The following RAB19 variants were observed in gnomAD, a reference collection of about 807,000 sequenced individuals.
The protein encoded by RAB19 is ras-related protein Rab-19.
RAB19 carries 21 observed loss-of-function variants against 17.3 expected under a neutral mutation model. The ratio of observed to expected loss-of-function variants is 1.21; its 90% CI spans 0.86 to 1.74. RAB19 has a LOEUF of 1.74. Among genes scored for constraint, RAB19 ranks in the 40% most tolerant of loss-of-function variants. The pLI is 0.00. For missense variants in RAB19, 277 were observed against 286.8 expected, an observed-to-expected ratio of 0.97 and a Z score of 0.25; for synonymous variants, 126 against 110.4, an observed-to-expected ratio of 1.14 and a Z score of -0.88.
chr7:140,412,968 T>TA (rs1298763968), intron 3 of RAB19, among the ~76,000 whole-genome samples: 2 of 151,116 alleles, frequency 1.3e-5, no homozygotes, highest in Non-Finnish European at 3.0e-5. Flanking sequence ...CTACAAAAAA[T>TA]AAAAAAAATT....
At chr7:140,420,569 A>C (rs1048811468) in intron 3 of RAB19, among the ~76,000 whole-genome samples, 4 of 152,084 alleles carry the variant, frequency 2.6e-5, no homozygotes, top group African/African-American at 9.7e-5. Flanking sequence ...CAATTCAAAG[A>C]AAGTTTATTT....
At chr7:140,407,994 C>T (rs376420062) in intron 2 of RAB19, 147 bp downstream of exon 2, 3 of 695,548 alleles carry the variant, frequency 4.3e-6, no homozygotes, top group African/African-American at 3.7e-5. Context: ...CCTCCAGCCT[C>T]AGCCTCCCAA....
At chr7:140,409,530 A>G (rs1799311671) in intron 2 of RAB19, among the ~76,000 whole-genome samples, 1 of 151,754 alleles carries the variant, frequency 6.6e-6, no homozygotes, top group African/African-American at 2.4e-5. Context: ...CCCCATCTCT[A>G]CTAAAAATAC....
Position 140,427,475 on chromosome 7 carries a change from G to C in RAB19, c.*1325G>C, listed in dbSNP as rs1799691420. On this transcript the variant is annotated 3_prime_UTR_variant, in exon 4 of 4. Coordinates refer to ENST00000537763, the MANE Select transcript of RAB19 (RefSeq NM_001008749.3). Reference sequence around the variant, plus strand: ...CCCTTTTTTTTTTTTTTTTGAGACAGAGTTTCGCTCTTGTTGCCCAGGCTG... The same window carrying C: ...CCCTTTTTTTTTTTTTTTTGAGACACAGTTTCGCTCTTGTTGCCCAGGCTG... Among the ~76,000 whole-genome samples, 1 of 115,690 alleles carries C rather than the reference G, an allele frequency of 8.6e-6. No homozygotes were observed. Among genetic ancestry groups the C allele is most frequent in the Admixed American group, 1.0e-4 (1 of 9,936 alleles). 75.9% of individuals were successfully genotyped at this position (115,690 alleles called of 152,430 possible). A position where few individuals can be genotyped will look rare whatever the true frequency, so the allele number is the denominator to read the frequency against.
intron 3 of RAB19, 71 bp from the exon 4 acceptor site, chr7:140,425,811 T>C: frequency 6.7e-7 from 1 of 1,503,048 alleles, no homozygotes; most frequent in Non-Finnish European, 9.0e-7. Context: ...AAAATGTTAC[T>C]TGTAAAGTTC....
intron 3 of RAB19, among the ~76,000 whole-genome samples, chr7:140,420,122 T>A (rs1468397678): frequency 2.0e-5 from 3 of 151,824 alleles, no homozygotes; most frequent in African/African-American, 7.3e-5. Context: ...CTGTGAGGGA[T>A]AAAGAAGAAG....
chr7:140,425,797 A>G, intron 3 of RAB19, 85 bp from the exon 4 acceptor site: 1 of 1,423,432 alleles, frequency 7.0e-7, no homozygotes, highest in South Asian at 1.4e-5. Context: ...CCTATTGAAG[A>G]ACTAAAATGT....
At chr7:140,421,701 T>C (rs1345948531) in intron 3 of RAB19, among the ~76,000 whole-genome samples, 2 of 152,076 alleles carry the variant, frequency 1.3e-5, no homozygotes, top group Admixed American at 1.3e-4. Flanking sequence ...GGTCTTGCTG[T>C]ATTGCCCAGG....
intron 2 of RAB19, chr7:140,410,855 C>A: frequency 8.8e-7 from 1 of 1,134,356 alleles, no homozygotes; most frequent in Non-Finnish European, 1.2e-6. Flanking sequence ...GAAATTGCTA[C>A]CCTCAGACAC....
intron 3 of RAB19, among the ~76,000 whole-genome samples, chr7:140,416,707 A>C (rs894825978): frequency 6.6e-6 from 1 of 152,176 alleles, no homozygotes; most frequent in African/African-American, 2.4e-5. Flanking sequence ...CAGAGTGTGC[A>C]GCCCTGGCTG....
Position 140,426,418 on chromosome 7 carries a change from C to T in RAB19, c.*268C>T, listed in dbSNP as rs974691436. On this transcript the variant is annotated 3_prime_UTR_variant, in exon 4 of 4. Coordinates refer to ENST00000537763, the MANE Select transcript of RAB19 (RefSeq NM_001008749.3). Reference sequence around the variant, plus strand: ...GGACTTCAGGCTAGGAGAGGGAGGACGAAGTGTACTCTTCTCCCCTTTCAC... The same window carrying T: ...GGACTTCAGGCTAGGAGAGGGAGGATGAAGTGTACTCTTCTCCCCTTTCAC... Among the ~76,000 whole-genome samples, 3 of 152,148 alleles carry T rather than the reference C, an allele frequency of 2.0e-5. No individual in the cohort carries two copies. Among genetic ancestry groups the T allele is most frequent in the African/African-American group, 7.2e-5 (3 of 41,418 alleles).
In RAB19 at chr7:140,427,452, CTT is replaced by C. The variant is rs35384452; in HGVS notation, c.*1317_*1318del. Among the ~76,000 whole-genome samples, 2,616 of 121,600 alleles carry C rather than the reference CTT, an allele frequency of 0.022. 77 individuals carry two copies. Among genetic ancestry groups the C allele is most frequent in the African/African-American group, 0.076 (2,389 of 31,414 alleles). The allele number at this position is 121,600 out of a possible 152,430, so 79.8% of individuals were successfully genotyped here. On this transcript the variant is annotated 3_prime_UTR_variant, in exon 4 of 4. Coordinates refer to ENST00000537763, the MANE Select transcript of RAB19 (RefSeq NM_001008749.3). The stretch of plus-strand genomic sequence containing the variant: ...CAGGCATGAGCCACCATGCCCGGCC[CTT>C]TTTTTTTTTTTTTTGAGACAGAGTT...
rs1048073971 is a variant in RAB19 at position 140,421,493 on chromosome 7, G to A, written c.386-4389G>A. On this transcript the variant is annotated intron_variant, in intron 3 of 3. Transcript: ENST00000537763. Reference sequence around the variant, plus strand: ...TCATGCCTCAGCCTCCCAAGTAGCTGGGATTACAGGCACGTGCCACTACGC... The same window carrying A: ...TCATGCCTCAGCCTCCCAAGTAGCTAGGATTACAGGCACGTGCCACTACGC... Among the ~76,000 whole-genome samples the A allele has an allele frequency of 2.6e-5, 4 of 152,268 alleles. No individual in the cohort carries two copies. The East Asian group carries it at 5.8e-4, about 22-fold the overall frequency.
At chr7:140,419,787 A>T (rs1225228373) in intron 3 of RAB19, among the ~76,000 whole-genome samples, 1 of 152,058 alleles carries the variant, frequency 6.6e-6, no homozygotes, top group Non-Finnish European at 1.5e-5. Context: ...CTACATCCTC[A>T]CCAACATCTG....
chr7:140,407,150 G>C (rs1417713387), intron 1 of RAB19, among the ~76,000 whole-genome samples: 2 of 152,148 alleles, frequency 1.3e-5, no homozygotes, highest in African/African-American at 4.8e-5. Context: ...CTTCCGAAGA[G>C]CTGGGATTAC....
intron 3 of RAB19, among the ~76,000 whole-genome samples, chr7:140,415,775 C>G (rs147184153): frequency 1.3e-3 from 56 of 43,674 alleles, no homozygotes; most frequent in East Asian, 7.4e-3. Context: ...TGTGGTGGTG[C>G]ACGCCTGGAG....
rs1563076689 is a variant in RAB19, at chr7:140,426,637, G to A, written c.*487G>A. Among the ~76,000 whole-genome samples, 1 of 152,150 alleles carries A rather than the reference G, an allele frequency of 6.6e-6. No individual in the cohort carries two copies. Among genetic ancestry groups the A allele is most frequent in the African/African-American group, 2.4e-5 (1 of 41,446 alleles). On this transcript the variant is annotated 3_prime_UTR_variant, in exon 4 of 4. Coordinates refer to ENST00000537763, the MANE Select transcript of RAB19 (RefSeq NM_001008749.3). ...GCCTGCAATGAGAAACCAGAATGCT[G>A]CTATCATTTTGTTCCTGACATTCAC... is the stretch of plus-strand genomic sequence containing the variant.
chr7:140,416,533 G>T (rs1034718696), intron 3 of RAB19, among the ~76,000 whole-genome samples: 7 of 152,114 alleles, frequency 4.6e-5, no homozygotes, highest in African/African-American at 1.7e-4. Flanking sequence ...TTATTTTATT[G>T]CTGTCTTGGA....
At chr7:140,424,344 A>G (rs1421969480) in intron 3 of RAB19, among the ~76,000 whole-genome samples, 1 of 150,240 alleles carries the variant, frequency 6.7e-6, no homozygotes, top group African/African-American at 2.5e-5. Flanking sequence ...TTTAGTAGAA[A>G]TGGGGTTTCG....
Sources: gnomAD v4.1 joint callset for allele counts (sites outside exome capture counted in the v4.1 genomes callset) on GRCh38, gnomAD v4.1.1 for gene constraint, MANE v1.5 for transcripts, NCBI Gene and HGNC (gene_info 2026-07-23, HGNC 2026-07-21) for gene names.